FOXP2: variants seen among roughly 807,000 people sequenced by gnomAD.
FOXP2 encodes the protein forkhead box P2.
In FOXP2, 12 loss-of-function variants were observed where a neutral mutation model predicts 115.8. The observed-to-expected ratio is 0.10, with a 90% confidence interval of 0.07 to 0.17. The LOEUF (loss-of-function observed/expected upper bound fraction) is 0.17. FOXP2 is among the 10% of genes least tolerant of loss of function. FOXP2 has a pLI of 1.00. For synonymous variants in FOXP2, 328 were observed against 297.7 expected (o/e 1.10, Z -1.05); for missense variants, 629 against 843.5 (o/e 0.75, Z 3.15).
intron 2 of FOXP2, among the ~76,000 whole-genome samples, chr7:114,435,046 A>G (rs1794278275): frequency 1.3e-5 from 2 of 152,192 alleles, no homozygotes; most frequent in Non-Finnish European, 1.5e-5. Context: ...TAATGCTTCC[A>G]TAACGGAAGT....
chr7:114,349,493 G>A (rs890760727), intron 2 of FOXP2, among the ~76,000 whole-genome samples: 2 of 152,100 alleles, frequency 1.3e-5, no homozygotes, highest in African/African-American at 4.8e-5. Context: ...TTAGATGAAA[G>A]AGTAGCTTTT....
At chr7:114,442,348 ATT>A (rs61403290) in intron 2 of FOXP2, among the ~76,000 whole-genome samples, 89 of 145,832 alleles carry the variant, frequency 6.1e-4, no homozygotes, top group Admixed American at 5.5e-4. Context: ...GGCAAGAGGG[ATT>A]TTTTTTTTTT....
intron 2 of FOXP2, among the ~76,000 whole-genome samples, chr7:114,464,173 A>G (rs1319907655): frequency 6.6e-6 from 1 of 152,174 alleles, no homozygotes; most frequent in Admixed American, 6.5e-5. Context: ...TGTGGAGAGC[A>G]GAAATGTTGC....
At chr7:114,098,769 G>T (rs555534583) in intron 1 of FOXP2, among the ~76,000 whole-genome samples, 107 of 152,310 alleles carry the variant, frequency 7.0e-4, no homozygotes, top group African/African-American at 2.5e-3. Context: ...AAGTGAAATG[G>T]CAGTCTACAG....
Position 114,559,888 on chromosome 7 carries a change from TA to T in FOXP2, c.258+25197del, listed in dbSNP as rs56799708. 1.5e-3 allele frequency among the ~76,000 whole-genome samples: 221 copies of T among 147,766 alleles called. 1 individual carries two copies. Among genetic ancestry groups the T allele is most frequent in the Non-Finnish European group, 2.0e-3 (134 of 66,870 alleles). On this transcript the variant is annotated intron_variant, in intron 3 of 16. Coordinates refer to ENST00000350908, the MANE Select transcript of FOXP2 (RefSeq NM_014491.4). ...TGGGCGACAGAGCAAGATTCCATCT[TA>T]AAAAAAAAAAAAAATCTCATTTTAA...
intron 1 of FOXP2, among the ~76,000 whole-genome samples, chr7:114,279,760 T>G (rs1240293833): frequency 6.7e-6 from 1 of 149,562 alleles, no homozygotes; most frequent in African/African-American, 2.6e-5. Context: ...ACTTGTTATA[T>G]TAGTTTAAAA....
chr7:114,287,313 T>G lies in FOXP2; in HGVS notation c.-101-706T>G, dbSNP rs148361301. Among the ~76,000 whole-genome samples the G allele has an allele frequency of 2.1e-3, 318 of 152,098 alleles. 2 individuals are homozygous for G. Among genetic ancestry groups the G allele is most frequent in the African/African-American group, 5.7e-3 (235 of 41,550 alleles). On this transcript the variant is annotated intron_variant, in intron 1 of 17. Transcript: ENST00000634411. ...TTTAAGAAACTTTACAAATTTGTGT[T>G]GGGCTGCATTCAAAGCCGTCCTGGC... is the stretch of plus-strand genomic sequence containing the variant.
intron 1 of FOXP2, among the ~76,000 whole-genome samples, chr7:114,105,198 T>G (rs1216393357): frequency 6.6e-6 from 1 of 152,030 alleles, no homozygotes; most frequent in Admixed American, 6.6e-5. Context: ...TTTTGTGTAA[T>G]TTTTTCTGTG....
rs1032200354 is a variant in FOXP2 at position 114,653,821 on chromosome 7, G to A, written c.1183-105G>A. The A allele has an allele frequency of 5.7e-6, 7 of 1,233,730 alleles. No homozygotes were observed. The African/African-American group carries it at 5.9e-5, about 10-fold the overall frequency. 76.4% of individuals were successfully genotyped at this position (1,233,730 alleles called of 1,614,324 possible). On this transcript the variant is annotated intron_variant, in intron 9 of 16. Transcript: ENST00000350908. ...CTCCTGACGCAGACTTTTACATGCA[G>A]GAATCATTATTCTGAGGCAAGCTCA...
At chr7:114,397,457 G>A (rs996568406) in intron 2 of FOXP2, among the ~76,000 whole-genome samples, 2 of 152,030 alleles carry the variant, frequency 1.3e-5, no homozygotes, top group Non-Finnish European at 2.9e-5. Flanking sequence ...TAATATAAGG[G>A]GGTGATGGAG....
intron 1 of FOXP2, among the ~76,000 whole-genome samples, chr7:114,242,799 T>C (rs939430366): frequency 1.3e-5 from 2 of 152,172 alleles, no homozygotes; most frequent in Non-Finnish European, 2.9e-5. Context: ...GTCTCTGTAT[T>C]CATCTAAATC....
In FOXP2 at chr7:114,449,996, CA is replaced by C. The variant is rs112135960; in HGVS notation, c.168+23320del. On this transcript the variant is annotated intron_variant, in intron 2 of 16. Transcript: ENST00000350908. ...AGGTATGCATTTATGTACTAAATTG[CA>C]AATTAATATAAAATTAAATATATGA... Among the ~76,000 whole-genome samples the C allele has an allele frequency of 7.5e-3, 1,148 of 152,086 alleles. 17 individuals carry two copies. Among genetic ancestry groups the C allele is most frequent in the African/African-American group, 0.026 (1,096 of 41,512 alleles).
chr7:114,638,839 A>T lies in FOXP2; in HGVS notation c.776-3571A>T, dbSNP rs139443146. ...TAAAAGGAATTTTTTGACTTCTTTTATTCTCTGCCTCTTATCTATTATATA... is the reference window on the plus strand; with the variant it reads ...TAAAAGGAATTTTTTGACTTCTTTTTTTCTCTGCCTCTTATCTATTATATA... On this transcript the variant is annotated intron_variant, in intron 6 of 16. Coordinates refer to ENST00000350908, the MANE Select transcript of FOXP2 (RefSeq NM_014491.4). 8.4e-3 allele frequency among the ~76,000 whole-genome samples: 1,272 copies of T among 151,436 alleles called. 12 individuals carry two copies. The highest frequency in any genetic ancestry group is 0.013 in the Non-Finnish European group (904 of 67,424).
intron 16 of FOXP2, chr7:114,669,548 T>C (rs1305966414): frequency 1.3e-5 from 2 of 152,032 alleles, no homozygotes; most frequent in African/African-American, 4.8e-5. Context: ...TTCAGAGTTA[T>C]ATAGAATATG....
At chr7:114,409,749 T>C (rs1793120922), upstream of FOXP2, among the ~76,000 whole-genome samples, 1 of 152,168 alleles carries the variant, frequency 6.6e-6, no homozygotes, top group South Asian at 2.1e-4. Context: ...TTCCTATCTC[T>C]TCATACATTT....
chr7:114,196,315 A>C (rs1032268646), intron 1 of FOXP2, among the ~76,000 whole-genome samples: 3 of 152,144 alleles, frequency 2.0e-5, no homozygotes, highest in Non-Finnish European at 4.4e-5. Context: ...CAGCCTAAAA[A>C]TTTTAAAAGG....
chr7:114,229,099 A>C (rs929527354), intron 1 of FOXP2, among the ~76,000 whole-genome samples: 3 of 151,568 alleles, frequency 2.0e-5, no homozygotes, highest in Non-Finnish European at 4.4e-5. Context: ...GCAAAGGTAG[A>C]TATACTTATA....
intron 16 of FOXP2, among the ~76,000 whole-genome samples, chr7:114,678,064 G>A (rs148651730): frequency 2.8e-4 from 42 of 152,298 alleles, no homozygotes; most frequent in African/African-American, 8.4e-4. Flanking sequence ...GCACATGCAC[G>A]TGGGGAATCG....
intron 2 of FOXP2, among the ~76,000 whole-genome samples, chr7:114,489,852 A>C (rs1273052515): frequency 2.0e-5 from 3 of 152,138 alleles, no homozygotes; most frequent in Non-Finnish European, 4.4e-5. Context: ...GTCATCAAGG[A>C]AATGCAAATT....
Sources: gnomAD v4.1 joint callset for allele counts (sites outside exome capture counted in the v4.1 genomes callset) on GRCh38, gnomAD v4.1.1 for gene constraint, MANE v1.5 for transcripts, NCBI Gene and HGNC (gene_info 2026-07-23, HGNC 2026-07-21) for gene names.